The following SH3KBP1 variants were observed in gnomAD, a reference collection of about 807,000 sequenced individuals.
The protein encoded by SH3KBP1 is SH3 domain containing kinase binding protein 1, also known as SH3 domain-containing kinase-binding protein 1.
In SH3KBP1, 8 loss-of-function variants were observed where a neutral mutation model predicts 50.1. The observed-to-expected ratio is 0.16, with a 90% CI of 0.09 to 0.29. The LOEUF is 0.29. SH3KBP1 is among the 10% of genes least tolerant of loss of function. The probability of loss-of-function intolerance (pLI) is 1.00; values close to 1 mark genes in which losing one functional copy is unlikely to be tolerated. For synonymous variants in SH3KBP1, 227 were observed against 218.6 expected (o/e 1.04, Z -0.34); for missense variants, 377 against 535.2 (o/e 0.70, Z 2.92).
At position 19,549,986 on chromosome X, in the gene SH3KBP1, C is replaced by G. The variant is rs1249973009; in HGVS notation, c.1482G>C (p.Gln494His). 8.4e-7 allele frequency: 1 copy of G among 1,197,328 alleles called. No individual in the cohort carries two copies. Among genetic ancestry groups the G allele is most frequent in the African/African-American group, 1.8e-5 (1 of 56,881 alleles). The part of the protein sequence containing the change: ...PKATGRRPPS[Q>H]SLTSSSLSSP... ...AGGAGACACTTACAGATGTGAGGGACTGGGACGGAGGCCGCCTCCCTGTAG... is the reference window on the plus strand; with the variant it reads ...AGGAGACACTTACAGATGTGAGGGAGTGGGACGGAGGCCGCCTCCCTGTAG... Residue 494 changes from glutamine to histidine, a missense_variant, in exon 14 of 18, where the codon CAG (glutamine) becomes CAC (histidine). Gln to His is a conservative substitution (Grantham distance 24). This residue lies in a region of SH3KBP1 where 10 missense variants were observed against 36.9 expected (regional missense o/e 0.27). Transcript: ENST00000397821.
At chrX:19,841,076 C>T (rs898480116) in intron 1 of SH3KBP1, among the ~76,000 whole-genome samples, 1 of 112,035 alleles carries the variant, frequency 8.9e-6, no homozygotes, top group South Asian at 3.7e-4. Context: ...CCCCCAAAGA[C>T]GAAATGGGTG....
At chrX:19,824,288 G>A (rs1275053420) in intron 2 of SH3KBP1, among the ~76,000 whole-genome samples, 1 of 111,962 alleles carries the variant, frequency 8.9e-6, no homozygotes, top group Admixed American at 9.5e-5. Flanking sequence ...TTAGAAATAA[G>A]ATGAAAATAT....
intron 13 of SH3KBP1, among the ~76,000 whole-genome samples, chrX:19,563,257 C>G (rs1201274095): frequency 8.9e-6 from 1 of 112,077 alleles, no homozygotes; most frequent in Non-Finnish European, 1.9e-5. Flanking sequence ...CAAGATCAGG[C>G]CCTTCAAAGG....
intron 2 of SH3KBP1, among the ~76,000 whole-genome samples, chrX:19,809,923 G>A (rs916615816): frequency 8.9e-6 from 1 of 112,197 alleles, no homozygotes; most frequent in Non-Finnish European, 1.9e-5. Context: ...TCCACCTCAT[G>A]GAAAGAACAT....
intron 2 of SH3KBP1, among the ~76,000 whole-genome samples, chrX:19,793,565 G>T (rs1296567517): frequency 1.8e-5 from 2 of 110,476 alleles, no homozygotes; most frequent in Non-Finnish European, 3.8e-5. Context: ...TATGGGAGAA[G>T]AGGTTTTGTA....
chrX:19,735,914 C>T (rs981147387), intron 3 of SH3KBP1, among the ~76,000 whole-genome samples: 26 of 110,243 alleles, frequency 2.4e-4, no homozygotes, highest in African/African-American at 3.3e-4. Flanking sequence ...TTAATAAAGA[C>T]GGGGTTTCAC....
intron 1 of SH3KBP1, among the ~76,000 whole-genome samples, chrX:19,843,239 C>T (rs940857181): frequency 9.2e-5 from 10 of 109,007 alleles, no homozygotes; most frequent in Admixed American, 5.9e-4. Context: ...AGGCTGGTCT[C>T]GAACTCCTGA....
At chrX:19,711,727 G>A (rs2063781468) in intron 3 of SH3KBP1, among the ~76,000 whole-genome samples, 1 of 110,666 alleles carries the variant, frequency 9.0e-6, no homozygotes, top group Non-Finnish European at 1.9e-5. Context: ...CCACATACCT[G>A]GGGAACGTGG....
chrX:19,799,497 T>TG (rs1424580098), intron 2 of SH3KBP1: 1 of 597,169 alleles, frequency 1.7e-6, no homozygotes, highest in Non-Finnish European at 2.8e-6. Flanking sequence ...AAAACAGTGT[T>TG]GGTCACCATC....
At chrX:19,583,159 A>ATTT (rs2066433688) in intron 12 of SH3KBP1, among the ~76,000 whole-genome samples, 1 of 102,709 alleles carries the variant, frequency 9.7e-6, no homozygotes, top group Non-Finnish European at 2.0e-5. Context: ...TATTATTATT[A>ATTT]TTATTATTTT....
At chrX:19,599,940 G>A (rs906598799) in intron 9 of SH3KBP1, among the ~76,000 whole-genome samples, 5 of 109,349 alleles carry the variant, frequency 4.6e-5, no homozygotes, top group African/African-American at 1.7e-4. Context: ...GAGGTCAGGA[G>A]ATCGAAACCA....
chrX:19,816,412 C>T (rs923688980), intron 2 of SH3KBP1, among the ~76,000 whole-genome samples: 5 of 112,094 alleles, frequency 4.5e-5, no homozygotes, highest in African/African-American at 1.6e-4. Flanking sequence ...GATACAAGTC[C>T]TTTGTCAGAC....
intron 3 of SH3KBP1, among the ~76,000 whole-genome samples, chrX:19,729,544 T>C (rs1454446909): frequency 8.9e-6 from 1 of 112,432 alleles, no homozygotes; most frequent in African/African-American, 3.2e-5. Flanking sequence ...GCCTTTCTAA[T>C]AAAAAGGTTT....
At chrX:19,617,376 C>T (rs1431017084) in intron 8 of SH3KBP1, among the ~76,000 whole-genome samples, 1 of 112,293 alleles carries the variant, frequency 8.9e-6, no homozygotes, top group African/African-American at 3.2e-5. Context: ...TATATTCCCT[C>T]AAAAAGATTG....
chrX:19,824,109 C>T lies in SH3KBP1; in HGVS notation c.162+12016G>A, dbSNP rs1160095640. ...TCCTGGGATTACAGGTGTTAGCCAC[C>T]ACACCCAGCCAGAATGTATTAATTC... On this transcript the variant is annotated intron_variant, in intron 2 of 17. Transcript: ENST00000397821. Among the ~76,000 whole-genome samples the T allele has an allele frequency of 3.6e-5, 4 of 111,790 alleles. No individual in the cohort carries two copies. The East Asian group carries it at 1.1e-3, about 31-fold the overall frequency.
At chrX:19,727,605 G>A (rs1448190798) in intron 3 of SH3KBP1, among the ~76,000 whole-genome samples, 1 of 112,728 alleles carries the variant, frequency 8.9e-6, no homozygotes, top group Non-Finnish European at 1.9e-5. Context: ...GAATGTGGGT[G>A]TGCAAATATT....
Position 19,748,825 on chromosome X carries a change from T to C in SH3KBP1, c.163-2384A>G, listed in dbSNP as rs1192578891. Among the ~76,000 whole-genome samples, 5 of 110,856 alleles carry C rather than the reference T, an allele frequency of 4.5e-5. No individual in the cohort carries two copies. In the East Asian group the frequency reaches 1.4e-3, roughly 31 times the overall value. On this transcript the variant is annotated intron_variant, in intron 2 of 17. Coordinates refer to ENST00000397821, the MANE Select transcript of SH3KBP1 (RefSeq NM_031892.3). The stretch of plus-strand genomic sequence containing the variant: ...GCAGCCTGTCTTCTTTGGTACCCCA[T>C]CATCCACCCAATTACCCAGAGTAGA...
At chrX:19,755,736 T>C (rs2065191420) in intron 2 of SH3KBP1, among the ~76,000 whole-genome samples, 2 of 112,260 alleles carry the variant, frequency 1.8e-5, no homozygotes, top group Non-Finnish European at 3.8e-5. Flanking sequence ...GACCTGAAAC[T>C]AGGCCTGGGC....
intron 4 of SH3KBP1, among the ~76,000 whole-genome samples, chrX:19,697,110 C>T (rs1184269273): frequency 9.0e-6 from 1 of 111,691 alleles, no homozygotes; most frequent in Non-Finnish European, 1.9e-5. Context: ...GTGTTGTCAA[C>T]ACATTTAAGG....
Sources: allele counts gnomAD v4.1 joint callset (sites outside exome capture counted in the v4.1 genomes callset), GRCh38; gene constraint gnomAD v4.1.1; regional missense constraint gnomAD v4.1.1; transcripts MANE v1.5; gene names NCBI Gene and HGNC (gene_info 2026-07-23, HGNC 2026-07-21).